DPH2: variants seen among roughly 807,000 people sequenced by gnomAD.
DPH2 encodes the protein 2-(3-amino-3-carboxypropyl)histidine synthase subunit 2.
DPH2 carries 28 observed loss-of-function variants against 42.5 expected under a neutral mutation model. That is an observed-to-expected ratio of 0.66 (90% CI 0.49 to 0.90). DPH2 has a LOEUF of 0.90. Ranked by LOEUF, DPH2 falls within the 40% of genes least tolerant of loss-of-function variation. DPH2 has a pLI of 0.00. For synonymous variants in DPH2, 279 were observed against 264.4 expected, an observed-to-expected ratio of 1.06 and a Z score of -0.53; for missense variants, 576 against 636.0, an observed-to-expected ratio of 0.91 and a Z score of 1.01.
In DPH2 at chr1:43,972,655, G is replaced by A; in HGVS notation, c.*116G>A. The stretch of plus-strand genomic sequence containing the variant: ...GATCCTTGAAGGACCCTGGAAGGAG[G>A]GAGAGCAGGCAGCCCTTCACAGGAT... On this transcript the variant is annotated 3_prime_UTR_variant, in exon 6 of 6. Transcript: ENST00000255108. 6.8e-7 allele frequency: 1 copy of A among 1,467,888 alleles called. No individual in the cohort carries two copies. The highest frequency in any genetic ancestry group is 2.4e-4 in the Middle Eastern group (1 of 4,186). 90.9% of individuals were successfully genotyped at this position (1,467,888 alleles called of 1,614,324 possible).
At position 43,970,041 on chromosome 1, in the gene DPH2, C is replaced by G. The variant is rs1443178456; in HGVS notation, c.-135C>G. The stretch of plus-strand genomic sequence containing the variant: ...TAGGATGGCTGAAGGGGATACTCAC[C>G]GGCTGAAGGCCGACTGTGATTCCCC... On this transcript the variant is annotated 5_prime_UTR_variant, in exon 1 of 6. Coordinates refer to ENST00000255108, the MANE Select transcript of DPH2 (RefSeq NM_001384.5). 3.9e-6 allele frequency: 4 copies of G among 1,015,692 alleles called. No individual in the cohort carries two copies. Among genetic ancestry groups the G allele is most frequent in the Non-Finnish European group, 5.6e-6 (4 of 709,892 alleles). The allele number at this position is 1,015,692 out of a possible 1,614,324, so 62.9% of individuals were successfully genotyped here.
Position 43,971,063 on chromosome 1 carries a change from G to C in DPH2, c.358G>C (p.Val120Leu). Residue 120 changes from valine to leucine, a missense_variant, in exon 3 of 6, where the codon GTT becomes CTT. Val to Leu is a conservative substitution (Grantham distance 32). Coordinates refer to ENST00000255108, the MANE Select transcript of DPH2 (RefSeq NM_001384.5). ...CLSPPARPLP[V>L]AFVLRQRSVA... ...AAGCCCTCCAGCCCGCCCACTGCCC[G>C]TTGCCTTCGTGCTTCGTCAACGTTC... 3 of 1,572,208 alleles carry C rather than the reference G, an allele frequency of 1.9e-6. No individual in the cohort carries two copies. Among genetic ancestry groups the C allele is most frequent in the African/African-American group, 1.3e-5 (1 of 74,356 alleles).
Position 43,971,621 on chromosome 1 carries a change from G to A in DPH2, c.719G>A (p.Gly240Glu), listed in dbSNP as rs758036594. ...LDPDLSRLLLGWAPGQPFSSC... is the reference protein window; with the variant it reads ...LDPDLSRLLLEWAPGQPFSSC... ...CCAGACCTGAGTCGGCTGCTCTTGGGGTGGGCACCAGGTCAACCCTTCTCC... is the reference window on the plus strand; with the variant it reads ...CCAGACCTGAGTCGGCTGCTCTTGGAGTGGGCACCAGGTCAACCCTTCTCC... The change falls in exon 4 of 6, where the codon GGG (glycine) becomes GAG (glutamate). Residue 240 changes from glycine (G) to glutamate (E), a missense_variant. Transcript: ENST00000255108. The A allele has an allele frequency of 3.5e-5, 57 of 1,613,956 alleles. No individual in the cohort carries two copies. Among genetic ancestry groups the A allele is most frequent in the Non-Finnish European group, 4.6e-5 (54 of 1,179,946 alleles).
At position 43,971,815 on chromosome 1, in the gene DPH2, A is replaced by C; in HGVS notation, c.913A>C (p.Asn305His). Residue 305 changes from asparagine (N) to histidine (H), a missense_variant, in exon 4 of 6, where the codon AAC becomes CAC. By Grantham distance (68) the Asn-to-His change is moderately conservative. Around this residue, in one of 3 missense-constraint regions of DPH2, gnomAD observed 395 missense variants for 435.2 expected, o/e 0.91. Coordinates refer to ENST00000255108, the MANE Select transcript of DPH2 (RefSeq NM_001384.5). ...QHREALAHLR[N>H]LTQAAGKRSY... ...CCGTGAGGCACTGGCCCACTTGCGG[A>C]ACCTGACTCAGGCTGCTGGCAAGCG... 7 of 1,612,588 alleles carry C rather than the reference A, an allele frequency of 4.3e-6. No homozygotes were observed. The highest frequency in any genetic ancestry group is 5.9e-6 in the Non-Finnish European group (7 of 1,180,028).
intron 2 of DPH2, 48 bp downstream of exon 2, chr1:43,970,756 T>A: frequency 1.9e-6 from 3 of 1,560,408 alleles, no homozygotes; most frequent in Non-Finnish European, 8.8e-7. Flanking sequence ...CCGGGGCTCA[T>A]GGGGTTTTAC....
At position 43,972,595 on chromosome 1, in the gene DPH2, G is replaced by C. The variant is rs2085459353; in HGVS notation, c.*56G>C. 1.9e-6 allele frequency: 3 copies of C among 1,605,108 alleles called. No individual in the cohort carries two copies. The Admixed American group carries it at 5.0e-5, about 27-fold the overall frequency. ...TTATGAATGGCTGCTAGGACCTTTA[G>C]TGCTCCCTGCACCAACCTCCCATCC... is the stretch of plus-strand genomic sequence containing the variant. On this transcript the variant is annotated 3_prime_UTR_variant, in exon 6 of 6. Coordinates refer to ENST00000255108, the MANE Select transcript of DPH2 (RefSeq NM_001384.5).
rs762053576 is a variant in DPH2, at chr1:43,972,258, G to A, written c.1269G>A (p.Trp423Ter). ...ITGDLRPPPA[W>*]KSSNDHGSLA... is the part of the protein sequence containing the mutation. ...GAGATCTCCGACCCCCACCTGCCTGGAAGTCATCAAATGATCATGGAAGCT... is the reference window on the plus strand; with the variant it reads ...GAGATCTCCGACCCCCACCTGCCTGAAAGTCATCAAATGATCATGGAAGCT... The change falls in exon 5 of 6, where the codon TGG becomes TGA. Residue 423 changes from tryptophan to a stop codon, truncating the protein, a stop_gained. Coordinates refer to ENST00000255108, the MANE Select transcript of DPH2 (RefSeq NM_001384.5). LOFTEE classifies it high-confidence loss of function. 1 of 1,614,192 alleles carries A rather than the reference G, an allele frequency of 6.2e-7. No homozygotes were observed. The highest frequency in any genetic ancestry group is 2.2e-5 in the East Asian group (1 of 44,880).
intron 4 of DPH2, 35 bp downstream of exon 4, chr1:43,972,105 T>A (rs777834828): frequency 3.9e-5 from 62 of 1,609,254 alleles, no homozygotes; most frequent in Non-Finnish European, 5.3e-5. Context: ...GCTGGAAACC[T>A]GGGGCACGGA....
rs760578415 is a variant in DPH2, at chr1:43,970,309, T to A, written c.134T>A (p.Leu45Gln). 3 of 1,614,014 alleles carry A rather than the reference T, an allele frequency of 1.9e-6. No individual in the cohort carries two copies. Among genetic ancestry groups the A allele is most frequent in the Non-Finnish European group, 2.5e-6 (3 of 1,179,950 alleles). Residue 45 changes from leucine (L) to glutamine (Q), a missense_variant, in exon 1 of 6, where the codon CTG (leucine) becomes CAG (glutamine). By Grantham distance (113) the Leu-to-Gln change is moderately radical. Coordinates refer to ENST00000255108, the MANE Select transcript of DPH2 (RefSeq NM_001384.5). Reference protein sequence around the residue: ...LERVAGFVRDLGCERVALQFP... With the variant: ...LERVAGFVRDQGCERVALQFP... ...CGAGTCGCTGGATTTGTCCGCGACC[T>A]GGGGTGTGAACGAGTGAGGACAGAC...
chr1:43,971,494 C>T lies in DPH2; in HGVS notation c.592C>T (p.Arg198Cys). ...SLSPEPMPLE[R>C]FGRRFPLAPG... ...GAGTCCAGAGCCTATGCCCCTAGAG[C>T]GTTTTGGGCGCCGCTTCCCCCTTGC... The change falls in exon 4 of 6, where the codon CGT (arginine) becomes TGT (cysteine). Residue 198 changes from arginine (R) to cysteine (C), a missense_variant. Arg to Cys is a radical substitution (Grantham distance 180, BLOSUM62 -3). Coordinates refer to ENST00000255108, the MANE Select transcript of DPH2 (RefSeq NM_001384.5). 10 of 1,614,232 alleles carry T rather than the reference C, an allele frequency of 6.2e-6. 1 individual carries two copies. The highest frequency in any genetic ancestry group is 2.2e-5 in the South Asian group (2 of 91,086).
intron 2 of DPH2, 32 bp downstream of exon 2, chr1:43,970,740 G>A (rs375949212): frequency 3.2e-6 from 5 of 1,587,074 alleles, no homozygotes; most frequent in Non-Finnish European, 4.3e-6. Flanking sequence ...GGCCAGGCCT[G>A]GGGATCCGGG....
rs769118679 is a variant in DPH2, at chr1:43,971,374, C to T, written c.485-13C>T. 6 of 1,562,112 alleles carry T rather than the reference C, an allele frequency of 3.8e-6. No individual in the cohort carries two copies. The African/African-American group carries it at 6.9e-5, about 18-fold the overall frequency. On this transcript the variant is annotated splice_polypyrimidine_tract_variant and intron_variant, in intron 3 of 5. Transcript: ENST00000255108. ...CCAGGCTCCAACCTCAACACTACCT[C>T]CTTCTCTTCCAGAGGCTTTGGCTAC...
intron 1 of DPH2, 32 bp from the exon 2 acceptor site, chr1:43,970,564 G>T (rs1388725635): frequency 6.2e-7 from 1 of 1,607,260 alleles, no homozygotes; most frequent in Non-Finnish European, 8.5e-7. Flanking sequence ...TGGGAGAGAG[G>T]CTGTCCCTGA....
Position 43,971,068 on chromosome 1 carries a change from C to A in DPH2, c.363C>A (p.Ala121=). The part of the protein sequence containing the change: ...LSPPARPLPV[A]FVLRQRSVAL... ...CTCCAGCCCGCCCACTGCCCGTTGC[C>A]TTCGTGCTTCGTCAACGTTCTGTGG... The change falls in exon 3 of 6, where the codon GCC becomes GCA. Residue 121 remains alanine (A), a synonymous_variant. Coordinates refer to ENST00000255108, the MANE Select transcript of DPH2 (RefSeq NM_001384.5). The A allele has an allele frequency of 6.4e-7, 1 of 1,569,270 alleles. No homozygotes were observed. The highest frequency in any genetic ancestry group is 2.3e-5 in the East Asian group (1 of 42,928).
Position 43,972,764 on chromosome 1 carries a change from G to C in DPH2, c.*225G>C, listed in dbSNP as rs1190971909. ...CGTGTTGTTTGGCTGATGGAATAAA[G>C]GGCTTAGGGACTTCCCTGAGGCCTC... On this transcript the variant is annotated 3_prime_UTR_variant, in exon 6 of 6. Coordinates refer to ENST00000255108, the MANE Select transcript of DPH2 (RefSeq NM_001384.5). 1 of 599,710 alleles carries C rather than the reference G, an allele frequency of 1.7e-6. No individual in the cohort carries two copies. Among genetic ancestry groups the C allele is most frequent in the East Asian group, 3.2e-5 (1 of 31,064 alleles). The allele number at this position is 599,710 out of a possible 1,614,324, so 37.1% of individuals were successfully genotyped here. A position where few individuals can be genotyped will look rare whatever the true frequency, so the allele number is the denominator to read the frequency against.
rs755458387 is a variant in DPH2, at chr1:43,971,524, G to T, written c.622G>T (p.Gly208Trp). The change falls in exon 4 of 6, where the codon GGG (glycine) becomes TGG (tryptophan). Residue 208 changes from glycine to tryptophan, a missense_variant. Gly to Trp is a radical substitution (Grantham distance 184, BLOSUM62 -2). Transcript: ENST00000255108. ...TGGGCGCCGCTTCCCCCTTGCCCCA[G>T]GGAGGCGTCTAGAAGAGTATGGTGC... ...RFGRRFPLAPGRRLEEYGAFY... is the reference protein window; with the variant it reads ...RFGRRFPLAPWRRLEEYGAFY... 1.2e-6 allele frequency: 2 copies of T among 1,614,122 alleles called. No homozygotes were observed. The highest frequency in any genetic ancestry group is 1.7e-6 in the Non-Finnish European group (2 of 1,180,048).
In DPH2 at chr1:43,972,952, G is replaced by A. The variant is rs564378533; in HGVS notation, c.*413G>A. ...ATTTGGGGCCAGATAATTCTTTGTT[G>A]TGGGGCTGTCTGGTGTATGGTAGGG... is the stretch of plus-strand genomic sequence containing the variant. On this transcript the variant is annotated 3_prime_UTR_variant, in exon 6 of 6. Coordinates refer to ENST00000255108, the MANE Select transcript of DPH2 (RefSeq NM_001384.5). 3.8e-4 allele frequency: 63 copies of A among 164,762 alleles called. No individual in the cohort carries two copies. The highest frequency in any genetic ancestry group is 7.1e-4 in the Non-Finnish European group (54 of 75,656). The allele number at this position is 164,762 out of a possible 1,614,324, so 10.2% of individuals were successfully genotyped here.
In DPH2 at chr1:43,971,374, CCTT is replaced by C; in HGVS notation, c.485-10_485-8del. On this transcript the variant is annotated splice_polypyrimidine_tract_variant and intron_variant, in intron 3 of 5. Coordinates refer to ENST00000255108, the MANE Select transcript of DPH2 (RefSeq NM_001384.5). ...CCAGGCTCCAACCTCAACACTACCT[CCTT>C]CTCTTCCAGAGGCTTTGGCTACTCT... 1 of 1,562,230 alleles carries C rather than the reference CCTT, an allele frequency of 6.4e-7. No individual in the cohort carries two copies. Among genetic ancestry groups the C allele is most frequent in the South Asian group, 1.2e-5 (1 of 84,682 alleles).
intron 3 of DPH2, 25 bp downstream of exon 3, chr1:43,971,214 AC>A (rs2085415371): frequency 1.3e-6 from 2 of 1,545,220 alleles, no homozygotes; most frequent in Non-Finnish European, 1.8e-6. Flanking sequence ...CTGTGTATGC[AC>A]AAAGGGTGAG....
Sources: gnomAD v4.1 joint callset for allele counts on GRCh38, gnomAD v4.1.1 for gene constraint, gnomAD v4.1.1 regional missense constraint, MANE v1.5 for transcripts, NCBI Gene and HGNC (gene_info 2026-07-23, HGNC 2026-07-21) for gene names.